The following ELAPOR1 variants were observed in gnomAD, a reference collection of about 807,000 sequenced individuals.
ELAPOR1 encodes endosome/lysosome-associated apoptosis and autophagy regulator 1.
In ELAPOR1, 77 loss-of-function variants were observed where a neutral mutation model predicts 119.7. The ratio of observed to expected loss-of-function variants is 0.64; its 90% CI spans 0.54 to 0.78. ELAPOR1 has a LOEUF of 0.78. ELAPOR1 is among the 30% of genes least tolerant of loss of function. The probability of loss-of-function intolerance (pLI) is 0.00; values close to 1 mark genes in which losing one functional copy is unlikely to be tolerated. For synonymous variants in ELAPOR1, 481 were observed against 487.2 expected (o/e 0.99, Z 0.17); for missense variants, 1,115 against 1,270.4 (o/e 0.88, Z 1.86).
chr1:109,164,410 G>A, intron 2 of ELAPOR1, 89 bp from the exon 3 acceptor site: 1 of 1,128,798 alleles, frequency 8.9e-7, no homozygotes, highest in South Asian at 1.4e-5. Flanking sequence ...CCCCAACCCA[G>A]CGCTCCTCCC....
At position 109,191,803 on chromosome 1, in the gene ELAPOR1, TGAG is replaced by T; in HGVS notation, c.1627_1629del (p.Glu543del). Reference sequence around the variant, plus strand: ...GCAAACAGTCCTATACCTACATCATTGAGGAGAACACTACCACGAGCTTCACCT... The same window carrying T: ...GCAAACAGTCCTATACCTACATCATTGAGAACACTACCACGAGCTTCACCT... On this transcript the variant is annotated inframe_deletion, in exon 13 of 22. Transcript: ENST00000369939. 1 of 1,614,196 alleles carries T rather than the reference TGAG, an allele frequency of 6.2e-7. No individual in the cohort carries two copies. Among genetic ancestry groups the T allele is most frequent in the East Asian group, 2.2e-5 (1 of 44,894 alleles).
intron 3 of ELAPOR1, among the ~76,000 whole-genome samples, chr1:109,166,191 A>C (rs1651590402): frequency 6.6e-6 from 1 of 151,994 alleles, no homozygotes; most frequent in Non-Finnish European, 1.5e-5. Context: ...CTGGGATTAC[A>C]GCGTGAGCCA....
chr1:109,120,199 A>T (rs1570595608), intron 1 of ELAPOR1, among the ~76,000 whole-genome samples: 1 of 151,992 alleles, frequency 6.6e-6, no homozygotes, highest in African/African-American at 2.4e-5. Context: ...GGAGTTCAAG[A>T]CCAGCCTGGC....
intron 11 of ELAPOR1, 76 bp from the exon 12 acceptor site, chr1:109,191,290 C>T (rs374702668): frequency 9.5e-5 from 91 of 955,826 alleles, no homozygotes; most frequent in East Asian, 4.1e-4. Flanking sequence ...CCCCAGCAGA[C>T]GCTCTGCTGT....
intron 1 of ELAPOR1, among the ~76,000 whole-genome samples, chr1:109,129,545 A>G (rs1277820): frequency 0.075 from 11,481 of 152,256 alleles, 464 homozygotes; most frequent in South Asian, 0.12. Context: ...AAACAAAAAC[A>G]CACGCAAAAA....
At chr1:109,196,630 C>G (rs1653808760) in intron 15 of ELAPOR1, among the ~76,000 whole-genome samples, 1 of 148,670 alleles carries the variant, frequency 6.7e-6, no homozygotes, top group Non-Finnish European at 1.5e-5. Context: ...AGTTTTCAAG[C>G]TCATCTACTT....
At chr1:109,201,016 G>C (rs11811095) in intron 21 of ELAPOR1, 116 bp downstream of exon 21, 2 of 930,892 alleles carry the variant, frequency 2.1e-6, no homozygotes, top group Middle Eastern at 3.0e-4. Flanking sequence ...CCCCACGCCC[G>C]ATACAATTCC....
chr1:109,150,425 C>T (rs747478969), intron 1 of ELAPOR1, among the ~76,000 whole-genome samples: 15 of 152,040 alleles, frequency 9.9e-5, no homozygotes, highest in Non-Finnish European at 1.3e-4. Flanking sequence ...GGATTGAGGA[C>T]GGCCAGCAAA....
intron 1 of ELAPOR1, among the ~76,000 whole-genome samples, chr1:109,115,664 G>A (rs1378130750): frequency 1.3e-5 from 2 of 152,190 alleles, no homozygotes; most frequent in East Asian, 1.9e-4. Context: ...AAGATGTTCT[G>A]TGTCTACAGC....
intron 1 of ELAPOR1, among the ~76,000 whole-genome samples, chr1:109,128,564 C>T (rs1558018553): frequency 6.6e-6 from 1 of 152,182 alleles, no homozygotes; most frequent in Non-Finnish European, 1.5e-5. Context: ...CCAAGGCATC[C>T]TTGCCAGCCC....
rs550258711 is a variant in ELAPOR1 at position 109,179,499 on chromosome 1, G to A, written c.953-5546G>A. Among the ~76,000 whole-genome samples the A allele has an allele frequency of 3.9e-5, 6 of 152,134 alleles. No individual in the cohort carries two copies. The East Asian group carries it at 7.7e-4, about 20-fold the overall frequency. On this transcript the variant is annotated intron_variant, in intron 7 of 21. Transcript: ENST00000369939. Reference sequence around the variant, plus strand: ...TCAGCTTGGCTGGAGATTAGGTGGCGAGAAGTTGCATCTAAGGCTGAGAAG... The same window carrying A: ...TCAGCTTGGCTGGAGATTAGGTGGCAAGAAGTTGCATCTAAGGCTGAGAAG...
In ELAPOR1 at chr1:109,194,516, T is replaced by C; in HGVS notation, c.2043T>C (p.Thr681=). The C allele has an allele frequency of 6.2e-7, 1 of 1,613,932 alleles. No individual in the cohort carries two copies. The highest frequency in any genetic ancestry group is 8.5e-7 in the Non-Finnish European group (1 of 1,179,784). Residue 681 remains threonine (T), a synonymous_variant, in exon 15 of 22, where the codon ACT becomes ACC. Transcript: ENST00000369939. ...YNFSALANTV[T]LAGGPSFTSK... is the part of the protein sequence containing the mutation. Reference sequence around the variant, plus strand: ...TCTCCGCTTTGGCAAACACTGTCACTCTTGCTGGAGGGCCAAGCTTCACTT... The same window carrying C: ...TCTCCGCTTTGGCAAACACTGTCACCCTTGCTGGAGGGCCAAGCTTCACTT...
At chr1:109,167,198 G>A (rs750048086) in intron 3 of ELAPOR1, among the ~76,000 whole-genome samples, 3 of 152,184 alleles carry the variant, frequency 2.0e-5, no homozygotes, top group Non-Finnish European at 4.4e-5. Flanking sequence ...TCCTACCCAT[G>A]TAAAGGAAGG....
At chr1:109,159,533 C>A (rs1651113149) in intron 1 of ELAPOR1, among the ~76,000 whole-genome samples, 1 of 152,148 alleles carries the variant, frequency 6.6e-6, no homozygotes, top group South Asian at 2.1e-4. Context: ...TGGCTGCTGG[C>A]ACACAACCAA....
Position 109,173,500 on chromosome 1 carries a change from C to A in ELAPOR1, c.723C>A (p.Val241=), listed in dbSNP as rs1366623572. 1 of 1,614,140 alleles carries A rather than the reference C, an allele frequency of 6.2e-7. No homozygotes were observed. Among genetic ancestry groups the A allele is most frequent in the Non-Finnish European group, 8.5e-7 (1 of 1,180,004 alleles). Residue 241 remains valine (V), a synonymous_variant, in exon 6 of 22, where the codon GTC becomes GTA. Coordinates refer to ENST00000369939, the MANE Select transcript of ELAPOR1 (RefSeq NM_020775.5). ...HSVELNRGNN[V]LYWRTTAFSV... is the part of the protein sequence containing the mutation. ...TGGAGCTAAATCGAGGCAATAATGT[C>A]CTCTATTGGAGAACCACAGCCTTCT...
rs558151043 is a variant in ELAPOR1, at chr1:109,130,426, A to G, written c.153+16090A>G. On this transcript the variant is annotated intron_variant, in intron 1 of 21. Coordinates refer to ENST00000369939, the MANE Select transcript of ELAPOR1 (RefSeq NM_020775.5). Reference sequence around the variant, plus strand: ...GGGCTTCAAAGAAGTACTAAAATTTAGATAAGAACTAAAAATATATAGAGT... The same window carrying G: ...GGGCTTCAAAGAAGTACTAAAATTTGGATAAGAACTAAAAATATATAGAGT... 3.3e-5 allele frequency among the ~76,000 whole-genome samples: 5 copies of G among 152,298 alleles called. No homozygotes were observed. The South Asian group carries it at 6.2e-4, about 19-fold the overall frequency.
rs192594814 is a variant in ELAPOR1 at position 109,149,112 on chromosome 1, T to C, written c.154-12782T>C. On this transcript the variant is annotated intron_variant, in intron 1 of 21. Transcript: ENST00000369939. ...AAAAGGACAGGTGTTGCTCCATATG[T>C]ATGAGAAGACTGGGATTAGAGAAGA... 3.0e-3 allele frequency among the ~76,000 whole-genome samples: 450 copies of C among 152,222 alleles called. 1 individual carries two copies. The highest frequency in any genetic ancestry group is 5.3e-3 in the Non-Finnish European group (363 of 68,006).
intron 1 of ELAPOR1, among the ~76,000 whole-genome samples, chr1:109,144,770 G>T (rs1048154205): frequency 4.6e-5 from 7 of 152,068 alleles, no homozygotes; most frequent in African/African-American, 1.7e-4. Flanking sequence ...GGAATTCTAG[G>T]ATTGGCCTTT....
At position 109,198,416 on chromosome 1, in the gene ELAPOR1, G is replaced by A. The variant is rs549287342; in HGVS notation, c.2400-157G>A. Among the ~76,000 whole-genome samples, 171 of 152,202 alleles carry A rather than the reference G, an allele frequency of 1.1e-3. 1 individual carries two copies. Among genetic ancestry groups the A allele is most frequent in the Non-Finnish European group, 1.5e-4 (10 of 68,006 alleles). ...TATTGTTGATCCCCACCCTTTCCACGTATAAACCAAGGCCTGTGCACTCCC... is the reference window on the plus strand; with the variant it reads ...TATTGTTGATCCCCACCCTTTCCACATATAAACCAAGGCCTGTGCACTCCC... On this transcript the variant is annotated intron_variant, in intron 17 of 21. Transcript: ENST00000369939.
Sources: allele counts gnomAD v4.1 joint callset (sites outside exome capture counted in the v4.1 genomes callset), GRCh38; gene constraint gnomAD v4.1.1; transcripts MANE v1.5; gene names NCBI Gene and HGNC (gene_info 2026-07-23, HGNC 2026-07-21).